DYRK4: variants seen among roughly 807,000 people sequenced by gnomAD.
DYRK4 encodes dual specificity tyrosine-phosphorylation-regulated kinase 4.
In DYRK4, 64 loss-of-function variants were observed where a neutral mutation model predicts 68.3. The ratio of observed to expected loss-of-function variants is 0.94; its 90% CI spans 0.77 to 1.15. The LOEUF is 1.15. Ranked by LOEUF, DYRK4 falls within the 50% of genes most tolerant of loss-of-function variation. The probability of loss-of-function intolerance (pLI) is 0.00; values close to 1 mark genes in which losing one functional copy is unlikely to be tolerated. For missense variants in DYRK4, 740 were observed against 764.7 expected (o/e 0.97, Z 0.38); for synonymous variants, 274 against 289.9 (o/e 0.95, Z 0.56).
chr12:4,594,396 G>A (rs1944992612), intron 6 of DYRK4, among the ~76,000 whole-genome samples: 1 of 152,086 alleles, frequency 6.6e-6, no homozygotes, highest in East Asian at 1.9e-4. Flanking sequence ...GCTGATTTTT[G>A]TATTTTTAGT....
intron 6 of DYRK4, among the ~76,000 whole-genome samples, chr12:4,594,263 GC>G (rs1944990945): frequency 6.6e-6 from 1 of 152,114 alleles, no homozygotes; most frequent in Admixed American, 6.5e-5. Flanking sequence ...AGATGGAGTT[GC>G]CCAGGCTGGA....
intron 2 of DYRK4, among the ~76,000 whole-genome samples, chr12:4,571,998 A>G (rs1042329513): frequency 7.9e-5 from 12 of 152,210 alleles, no homozygotes; most frequent in African/African-American, 2.9e-4. Context: ...TTCCTCTACA[A>G]GTATGTGCTG....
intron 2 of DYRK4, among the ~76,000 whole-genome samples, chr12:4,582,207 G>A (rs1944849465): frequency 6.6e-6 from 1 of 152,226 alleles, no homozygotes; most frequent in Admixed American, 6.5e-5. Flanking sequence ...ACTCTGGGAG[G>A]CTGAGGTGGG....
Position 4,607,320 on chromosome 12 carries a change from T to C in DYRK4, c.1300-7T>C. ...AAGAATGAACCAATTGAATTATCCTTATTAAGGTGCTGGGTCTGCCGCCAG... is the reference window on the plus strand; with the variant it reads ...AAGAATGAACCAATTGAATTATCCTCATTAAGGTGCTGGGTCTGCCGCCAG... On this transcript the variant is annotated splice_polypyrimidine_tract_variant and splice_region_variant and intron_variant, in intron 11 of 14. Coordinates refer to ENST00000543431, the MANE Select transcript of DYRK4 (RefSeq NM_001394779.1). 2 of 1,614,186 alleles carry C rather than the reference T, an allele frequency of 1.2e-6. No homozygotes were observed. The highest frequency in any genetic ancestry group is 2.2e-5 in the East Asian group (1 of 44,892).
intron 9 of DYRK4, 173 bp from the exon 10 acceptor site, chr12:4,599,534 A>G: frequency 1.7e-6 from 1 of 589,710 alleles, no homozygotes; most frequent in Admixed American, 3.2e-5. Flanking sequence ...GCCGACCACA[A>G]GTCAAATGGA....
chr12:4,599,793 G>A lies in DYRK4; in HGVS notation c.1126+5G>A. 3 of 1,612,478 alleles carry A rather than the reference G, an allele frequency of 1.9e-6. No homozygotes were observed. Among genetic ancestry groups the A allele is most frequent in the Admixed American group, 1.7e-5 (1 of 59,808 alleles). On this transcript the variant is annotated splice_donor_5th_base_variant and intron_variant, in intron 10 of 14. Transcript: ENST00000543431. The stretch of plus-strand genomic sequence containing the variant: ...GCTGTTATGAACACCAGAAAGGTGA[G>A]CCCCATGTCAGTCCCATCATCTGAG...
Position 4,596,303 on chromosome 12 carries a change from CAT to C in DYRK4, c.764+20_764+21del. ...AAGAAGAGGTGTGGCTTGGGGATGA[CAT>C]AGGCCACAGAGGAGGGACTGCGTGA... On this transcript the variant is annotated intron_variant, in intron 7 of 14. Coordinates refer to ENST00000543431, the MANE Select transcript of DYRK4 (RefSeq NM_001394779.1). 1 of 1,613,960 alleles carries C rather than the reference CAT, an allele frequency of 6.2e-7. No individual in the cohort carries two copies. Among genetic ancestry groups the C allele is most frequent in the Non-Finnish European group, 8.5e-7 (1 of 1,179,918 alleles).
In DYRK4 at chr12:4,607,337, T is replaced by A. The variant is rs201862244; in HGVS notation, c.1310T>A (p.Leu437Gln). 1 of 1,614,232 alleles carries A rather than the reference T, an allele frequency of 6.2e-7. No individual in the cohort carries two copies. Among genetic ancestry groups the A allele is most frequent in the South Asian group, 1.1e-5 (1 of 91,082 alleles). ...QLACIMEVLGLPPAGFIQTAS... is the reference protein window; with the variant it reads ...QLACIMEVLGQPPAGFIQTAS... ...ATTATCCTTATTAAGGTGCTGGGTC[T>A]GCCGCCAGCCGGCTTCATTCAGACA... is the stretch of plus-strand genomic sequence containing the variant. The change falls in exon 12 of 15, where the codon CTG (leucine) becomes CAG (glutamine). Residue 437 changes from leucine to glutamine, a missense_variant. Physicochemically the swap from Leu to Gln is moderately radical, Grantham distance 113 (BLOSUM62 -2). Around this residue, in one of 3 missense-constraint regions of DYRK4, gnomAD observed 614 missense variants for 603.7 expected, o/e 1.02. Coordinates refer to ENST00000543431, the MANE Select transcript of DYRK4 (RefSeq NM_001394779.1).
chr12:4,603,660 G>GC (rs1299608390), intron 10 of DYRK4, among the ~76,000 whole-genome samples: 1 of 152,178 alleles, frequency 6.6e-6, no homozygotes, highest in Non-Finnish European at 1.5e-5. Flanking sequence ...CTCCATCTGG[G>GC]CCTCTCTGGC....
At chr12:4,597,653 G>A (rs556785330) in intron 8 of DYRK4, among the ~76,000 whole-genome samples, 91 of 152,314 alleles carry the variant, frequency 6.0e-4, no homozygotes, top group Non-Finnish European at 1.1e-3. Context: ...GCTGTGCAGG[G>A]GGAGTCCAAA....
Position 4,567,983 on chromosome 12 carries a change from A to G in DYRK4, c.67A>G (p.Lys23Glu), listed in dbSNP as rs1402471797. 1 of 1,536,040 alleles carries G rather than the reference A, an allele frequency of 6.5e-7. No individual in the cohort carries two copies. The highest frequency in any genetic ancestry group is 8.7e-7 in the Non-Finnish European group (1 of 1,146,930). ...TCAAATGGATGCTAAAAAGCCAAGG[A>G]AATGTGATTTGACTCCCTTCCTGGT... ...KTQMDAKKPR[K>E]CDLTPFLVLK... The change falls in exon 2 of 15, where the codon AAA becomes GAA. Residue 23 changes from lysine (K) to glutamate (E), a missense_variant. Coordinates refer to ENST00000543431, the MANE Select transcript of DYRK4 (RefSeq NM_001394779.1).
At chr12:4,607,235 G>C in intron 11 of DYRK4, 92 bp from the exon 12 acceptor site, 1 of 1,434,124 alleles carries the variant, frequency 7.0e-7, no homozygotes. Flanking sequence ...CTTATCTGTA[G>C]AAGGCAAAGC....
chr12:4,577,691 T>C (rs1322902983), intron 2 of DYRK4, among the ~76,000 whole-genome samples: 1 of 152,220 alleles, frequency 6.6e-6, no homozygotes, highest in Non-Finnish European at 1.5e-5. Context: ...TGATTGGGAT[T>C]GTGTTGAATC....
chr12:4,570,358 T>C (rs952769758), intron 2 of DYRK4, among the ~76,000 whole-genome samples: 1 of 152,256 alleles, frequency 6.6e-6, no homozygotes, highest in Non-Finnish European at 1.5e-5. Context: ...AACTTAAAAC[T>C]ACTGTGTTTG....
chr12:4,603,721 A>G (rs1205076270), intron 10 of DYRK4, among the ~76,000 whole-genome samples: 2 of 152,222 alleles, frequency 1.3e-5, no homozygotes, highest in East Asian at 1.9e-4. Flanking sequence ...TATGAATCCT[A>G]TAAGAAATTC....
intron 7 of DYRK4, 40 bp from the exon 8 acceptor site, chr12:4,596,549 C>A: frequency 6.2e-7 from 1 of 1,602,568 alleles, no homozygotes; most frequent in South Asian, 1.1e-5. Flanking sequence ...ATGTTTCTAT[C>A]CCCATTTCCC....
At position 4,562,229 on chromosome 12, in the gene DYRK4, C is replaced by T. The variant is rs1253274783; in HGVS notation, c.-17C>T. ...TCTCACAGCCTCCCGCAGCGGCGGGCGGTCAGCGCCGGCCTCATGCAGCTC... is the reference window on the plus strand; with the variant it reads ...TCTCACAGCCTCCCGCAGCGGCGGGTGGTCAGCGCCGGCCTCATGCAGCTC... On this transcript the variant is annotated 5_prime_UTR_variant, in exon 1 of 15. Transcript: ENST00000543431. 6.6e-7 allele frequency: 1 copy of T among 1,523,626 alleles called. No homozygotes were observed. The highest frequency in any genetic ancestry group is 1.4e-5 in the African/African-American group (1 of 72,384). The allele number at this position is 1,523,626 out of a possible 1,614,324, so 94.4% of individuals were successfully genotyped here.
At chr12:4,595,443 G>A (rs190856050) in intron 6 of DYRK4, among the ~76,000 whole-genome samples, 1 of 152,296 alleles carries the variant, frequency 6.6e-6, no homozygotes, top group Non-Finnish European at 1.5e-5. Flanking sequence ...CTTGTCTAAA[G>A]CTGAAGTATT....
chr12:4,584,059 A>G (rs1944869809), intron 2 of DYRK4, among the ~76,000 whole-genome samples: 1 of 152,208 alleles, frequency 6.6e-6, no homozygotes, highest in South Asian at 2.1e-4. Flanking sequence ...AAAAATTTGT[A>G]AAAAGTTAGA....
Sources: gnomAD v4.1 joint callset for allele counts (sites outside exome capture counted in the v4.1 genomes callset) on GRCh38, gnomAD v4.1.1 for gene constraint, gnomAD v4.1.1 regional missense constraint, MANE v1.5 for transcripts, NCBI Gene and HGNC (gene_info 2026-07-23, HGNC 2026-07-21) for gene names.